The following EMCN variants were observed in gnomAD, a reference collection of about 807,000 sequenced individuals.
EMCN encodes the protein MUC-14.
A neutral mutation model predicts 38.4 loss-of-function variants in EMCN; 37 were observed. The ratio of observed to expected loss-of-function variants is 0.96; its 90% CI spans 0.74 to 1.27. The LOEUF is 1.27. EMCN is among the 50% of genes most tolerant of loss of function. The probability of loss-of-function intolerance (pLI) is 0.00; values close to 1 mark genes in which losing one functional copy is unlikely to be tolerated. For missense variants in EMCN, 318 were observed against 302.8 expected (o/e 1.05, Z -0.37); for synonymous variants, 95 against 100.8 (o/e 0.94, Z 0.35).
intron 7 of EMCN, among the ~76,000 whole-genome samples, chr4:100,422,301 C>G (rs1490556830): frequency 6.6e-6 from 1 of 151,980 alleles, no homozygotes; most frequent in Non-Finnish European, 1.5e-5. Context: ...ATTATTGCCT[C>G]CCAAATGAAG....
At position 100,415,884 on chromosome 4, in the gene EMCN, G is replaced by A; in HGVS notation, c.751+14C>T. ...TAACTAATTTTCATCTAATCAACTT[G>A]TCTGGAAACTTACCAGACTCATGAG... On this transcript the variant is annotated intron_variant, in intron 10 of 11. Coordinates refer to ENST00000296420, the MANE Select transcript of EMCN (RefSeq NM_016242.4). The A allele has an allele frequency of 6.4e-7, 1 of 1,558,094 alleles. No homozygotes were observed. The highest frequency in any genetic ancestry group is 8.7e-7 in the Non-Finnish European group (1 of 1,148,446).
At chr4:100,517,784 A>G in intron 1 of EMCN, 67 bp downstream of exon 1, 1 of 1,464,242 alleles carries the variant, frequency 6.8e-7, no homozygotes, top group South Asian at 1.1e-5. Flanking sequence ...CTGAAAGTAA[A>G]CTGAGGCTGA....
Position 100,469,314 on chromosome 4 carries a change from T to C in EMCN, c.260-3775A>G, listed in dbSNP as rs116928600. Among the ~76,000 whole-genome samples the C allele has an allele frequency of 8.4e-3, 1,285 of 152,202 alleles. 69 individuals are homozygous for C. Among genetic ancestry groups the C allele is most frequent in the Admixed American group, 0.069 (1,056 of 15,290 alleles). ...AAGATAGGGGCAAATCTCCTTCACA[T>C]TGGCCTCAGCAATTATTTCTGGATA... is the stretch of plus-strand genomic sequence containing the variant. On this transcript the variant is annotated intron_variant, in intron 3 of 11. Coordinates refer to ENST00000296420, the MANE Select transcript of EMCN (RefSeq NM_016242.4).
At chr4:100,480,371 G>A (rs1728774951) in intron 1 of EMCN, among the ~76,000 whole-genome samples, 1 of 151,768 alleles carries the variant, frequency 6.6e-6, no homozygotes, top group Non-Finnish European at 1.5e-5. Context: ...TGCTTAAATG[G>A]GCACTCTCTG....
chr4:100,458,105 G>T (rs1728069895), intron 4 of EMCN, among the ~76,000 whole-genome samples: 1 of 151,098 alleles, frequency 6.6e-6, no homozygotes, highest in South Asian at 2.1e-4. Flanking sequence ...AACAGGGCAA[G>T]ACCCTGTCAA....
intron 3 of EMCN, among the ~76,000 whole-genome samples, chr4:100,472,649 G>T (rs988307180): frequency 6.6e-6 from 1 of 152,126 alleles, no homozygotes; most frequent in East Asian, 1.9e-4. Flanking sequence ...TAAAATTGGC[G>T]TGATAAAGTT....
intron 8 of EMCN, among the ~76,000 whole-genome samples, chr4:100,420,439 A>G (rs1726856813): frequency 6.6e-6 from 1 of 152,040 alleles, no homozygotes; most frequent in South Asian, 2.1e-4. Context: ...CAGAAGGAAT[A>G]GTATGGATGA....
intron 1 of EMCN, 38 bp downstream of exon 1, chr4:100,517,813 C>T: frequency 6.2e-7 from 1 of 1,601,574 alleles, no homozygotes; most frequent in Non-Finnish European, 8.6e-7. Flanking sequence ...CTAGTGATTT[C>T]CAATCCGTAC....
intron 4 of EMCN, among the ~76,000 whole-genome samples, chr4:100,457,122 G>C (rs1168376269): frequency 6.6e-6 from 1 of 151,564 alleles, no homozygotes; most frequent in Non-Finnish European, 1.5e-5. Flanking sequence ...ATTTATTTCA[G>C]GGTATATCCT....
chr4:100,396,472 A>G lies in EMCN; in HGVS notation c.*1941T>C, dbSNP rs1179922370. ...TTCTTTGGAATATGCTGTATGTAAC[A>G]TGGTTTTTGCTGAAGAGCTCGGTAA... is the stretch of plus-strand genomic sequence containing the variant. On this transcript the variant is annotated 3_prime_UTR_variant, in exon 12 of 12. Coordinates refer to ENST00000296420, the MANE Select transcript of EMCN (RefSeq NM_016242.4). The G allele has an allele frequency of 1.3e-5, 2 of 150,952 alleles. No homozygotes were observed. Among genetic ancestry groups the G allele is most frequent in the Non-Finnish European group, 2.9e-5 (2 of 67,872 alleles). The allele number at this position is 150,952 out of a possible 1,614,324, so 9.4% of individuals were successfully genotyped here.
In EMCN at chr4:100,480,048, A is replaced by T; in HGVS notation, c.65-9T>A. ...AGCTGCCTCTAAAACACCTGAAAAA[A>T]GTAAAGTAGTTGCATTAACATTTAC... is the stretch of plus-strand genomic sequence containing the variant. On this transcript the variant is annotated splice_polypyrimidine_tract_variant and intron_variant, in intron 1 of 11. Transcript: ENST00000296420. 1 of 1,604,164 alleles carries T rather than the reference A, an allele frequency of 6.2e-7. No individual in the cohort carries two copies. The highest frequency in any genetic ancestry group is 8.5e-7 in the Non-Finnish European group (1 of 1,175,678).
intron 5 of EMCN, among the ~76,000 whole-genome samples, chr4:100,442,422 G>A (rs1440585938): frequency 1.3e-5 from 2 of 152,142 alleles, no homozygotes; most frequent in Non-Finnish European, 2.9e-5. Context: ...GAATCCAAAT[G>A]TCTATATCTC....
intron 1 of EMCN, 63 bp from the exon 2 acceptor site, chr4:100,480,102 T>C: frequency 7.0e-7 from 1 of 1,436,082 alleles, no homozygotes; most frequent in Non-Finnish European, 9.6e-7. Flanking sequence ...TAGACTAGTA[T>C]ATTTAAACAA....
In EMCN at chr4:100,395,700, A is replaced by G. The variant is rs1299646160; in HGVS notation, c.*2713T>C. On this transcript the variant is annotated 3_prime_UTR_variant, in exon 12 of 12. Coordinates refer to ENST00000296420, the MANE Select transcript of EMCN (RefSeq NM_016242.4). ...AGGTTTGACTATGTCCTCGGTTGAT[A>G]CTCATAAATTTAAATATGGTAGGTA... The G allele has an allele frequency of 6.6e-6, 1 of 152,200 alleles. No individual in the cohort carries two copies. Among genetic ancestry groups the G allele is most frequent in the African/African-American group, 2.4e-5 (1 of 41,460 alleles). 9.4% of individuals were successfully genotyped at this position (152,200 alleles called of 1,614,324 possible). A position where few individuals can be genotyped will look rare whatever the true frequency, so the allele number is the denominator to read the frequency against.
intron 4 of EMCN, among the ~76,000 whole-genome samples, chr4:100,454,942 T>C (rs1382600655): frequency 6.6e-6 from 1 of 152,130 alleles, no homozygotes; most frequent in Non-Finnish European, 1.5e-5. Context: ...TTAAAGTAGG[T>C]TTTCTGAATA....
intron 2 of EMCN, 87 bp downstream of exon 2, chr4:100,479,830 C>T: frequency 9.1e-7 from 1 of 1,097,130 alleles, no homozygotes; most frequent in South Asian, 1.8e-5. Context: ...ATATAAGATC[C>T]CGAATTATTT....
At chr4:100,436,385 A>G (rs1727353025) in intron 5 of EMCN, among the ~76,000 whole-genome samples, 1 of 152,182 alleles carries the variant, frequency 6.6e-6, no homozygotes, top group Non-Finnish European at 1.5e-5. Context: ...GATTGCAGAG[A>G]AAAAGGAATG....
At chr4:100,425,444 G>A (rs1365874648) in intron 5 of EMCN, among the ~76,000 whole-genome samples, 1 of 152,076 alleles carries the variant, frequency 6.6e-6, no homozygotes, top group Non-Finnish European at 1.5e-5. Flanking sequence ...AGCTATAGCA[G>A]AGTGGCTAAG....
At chr4:100,507,742 T>G (rs1482760292) in intron 1 of EMCN, among the ~76,000 whole-genome samples, 1 of 152,228 alleles carries the variant, frequency 6.6e-6, no homozygotes, top group Non-Finnish European at 1.5e-5. Context: ...AACCTCATTT[T>G]TATTCTCAAT....
Sources: gnomAD v4.1 joint callset for allele counts (sites outside exome capture counted in the v4.1 genomes callset) on GRCh38, gnomAD v4.1.1 for gene constraint, MANE v1.5 for transcripts, NCBI Gene and HGNC (gene_info 2026-07-23, HGNC 2026-07-21) for gene names.